Variants in VCL observed in about 807,000 individuals in gnomAD.
VCL encodes the protein epididymis luminal protein 114.
VCL carries 47 observed loss-of-function variants against 125.7 expected under a neutral mutation model. The observed-to-expected ratio is 0.37, with a 90% CI of 0.30 to 0.48. The LOEUF (loss-of-function observed/expected upper bound fraction) is 0.48, where lower values mean the gene tolerates loss of function less well. VCL is among the 20% of genes least tolerant of loss of function. VCL has a pLI of 0.99. For missense variants in VCL, 1,069 were observed against 1,455.5 expected, an observed-to-expected ratio of 0.73 and a Z score of 4.32; for synonymous variants, 458 against 514.6, an observed-to-expected ratio of 0.89 and a Z score of 1.49.
At chr10:74,032,064 CAAAAAAAAAAAAAAA>C (rs35715975) in intron 1 of VCL, among the ~76,000 whole-genome samples, 1 of 21,034 alleles carries the variant, frequency 4.8e-5, no homozygotes, top group Non-Finnish European at 7.5e-5. Context: ...AACTCCATCT[CAAAAAAAAAAAAAAA>C]AAAAAAAAAA....
intron 21 of VCL, among the ~76,000 whole-genome samples, chr10:74,115,387 G>GATAA (rs142695515): frequency 0.05 from 7,535 of 150,356 alleles, 278 homozygotes; most frequent in African/African-American, 0.1. Context: ...AAAATAAATA[G>GATAA]ATAAATAAAT....
chr10:74,068,982 AT>A (rs1180346093), intron 2 of VCL, among the ~76,000 whole-genome samples: 1 of 148,956 alleles, frequency 6.7e-6, no homozygotes, highest in African/African-American at 2.6e-5. Context: ...TTTAAGCCTG[AT>A]CAAAAGCCAC....
intron 9 of VCL, 112 bp downstream of exon 9, chr10:74,089,461 T>C (rs1273075932): frequency 1.3e-6 from 2 of 1,513,466 alleles, no homozygotes; most frequent in East Asian, 4.6e-5. Context: ...TGGATAATGG[T>C]TTCTAAGTGA....
intron 8 of VCL, among the ~76,000 whole-genome samples, chr10:74,083,871 G>T (rs1839721461): frequency 6.8e-6 from 1 of 147,844 alleles, no homozygotes; most frequent in Non-Finnish European, 1.5e-5. Flanking sequence ...TTGTTTGTTT[G>T]TTTGTTTGTT....
At chr10:74,109,441 G>C (rs1840186420) in intron 18 of VCL, among the ~76,000 whole-genome samples, 1 of 152,202 alleles carries the variant, frequency 6.6e-6, no homozygotes, top group Non-Finnish European at 1.5e-5. Context: ...CTTGACCTTA[G>C]CATTTGGGGT....
At chr10:74,090,858 C>T (rs1248101804) in intron 10 of VCL, among the ~76,000 whole-genome samples, 1 of 151,742 alleles carries the variant, frequency 6.6e-6, no homozygotes, top group African/African-American at 2.4e-5. Flanking sequence ...TGGAGTGCAG[C>T]GGCATGACTA....
rs397517246 is a variant in VCL, at chr10:74,082,524, G to T, written c.854G>T (p.Arg285Leu). The T allele has an allele frequency of 4.2e-5, 67 of 1,613,992 alleles. No individual in the cohort carries two copies. In the East Asian group the frequency reaches 1.5e-3, roughly 35 times the overall value. ...SKLNQAKGWLRDPSASPGDAG... is the reference protein window; with the variant it reads ...SKLNQAKGWLLDPSASPGDAG... ...CTGAACCAGGCCAAAGGTTGGCTCC[G>T]TGACCCTAGTGCCTCCCCAGGTAAC... is the stretch of plus-strand genomic sequence containing the variant. Residue 285 changes from arginine to leucine, a missense_variant, in exon 7 of 22, where the codon CGT (arginine) becomes CTT (leucine). This residue lies in a region of VCL where 760 missense variants were observed against 928.9 expected (regional missense o/e 0.82). Coordinates refer to ENST00000211998, the MANE Select transcript of VCL (RefSeq NM_014000.3).
chr10:74,069,721 T>C (rs1367066024), intron 2 of VCL, among the ~76,000 whole-genome samples: 2 of 152,214 alleles, frequency 1.3e-5, no homozygotes. Flanking sequence ...AATATGAGAC[T>C]AGAGGAGATG....
rs1169304447 is a variant in VCL at position 74,118,405 on chromosome 10, C to A, written c.*236C>A. On this transcript the variant is annotated 3_prime_UTR_variant, in exon 22 of 22. Transcript: ENST00000211998. ...TCTCAAACACAGTTACACTTGTGCA[C>A]CCTCTATCCCAATAGGCAGACTGGG... 1.1e-5 allele frequency: 6 copies of A among 556,880 alleles called. No individual in the cohort carries two copies. The highest frequency in any genetic ancestry group is 8.7e-5 in the Admixed American group (3 of 34,328). The allele number at this position is 556,880 out of a possible 1,614,324, so 34.5% of individuals were successfully genotyped here.
intron 1 of VCL, among the ~76,000 whole-genome samples, chr10:74,001,532 T>G (rs1188757632): frequency 6.6e-6 from 1 of 152,162 alleles, no homozygotes; most frequent in Non-Finnish European, 1.5e-5. Flanking sequence ...CAATAAATAT[T>G]GTTGAAGGAA....
Position 74,071,420 on chromosome 10 carries a change from A to G in VCL, c.499+337A>G, listed in dbSNP as rs1364069627. Among the ~76,000 whole-genome samples the G allele has an allele frequency of 6.6e-6, 1 of 152,190 alleles. No homozygotes were observed. Among genetic ancestry groups the G allele is most frequent in the African/African-American group, 2.4e-5 (1 of 41,456 alleles). ...ATTCCACATTACACAGCATTCCTTC[A>G]CTGTCTGCCAGCTGGCCTGTAGTTC... On this transcript the variant is annotated intron_variant, in intron 4 of 21. Coordinates refer to ENST00000211998, the MANE Select transcript of VCL (RefSeq NM_014000.3). This position sits in a 1 kb window ranked among gnomAD's most constrained non-coding sequence, Gnocchi z 4.1.
At chr10:74,004,040 G>C (rs1840275582) in intron 1 of VCL, among the ~76,000 whole-genome samples, 2 of 152,154 alleles carry the variant, frequency 1.3e-5, no homozygotes, top group African/African-American at 4.8e-5. Flanking sequence ...CTTAAAAGGA[G>C]ATCAGCAGTT....
intron 21 of VCL, among the ~76,000 whole-genome samples, chr10:74,116,418 G>A (rs1263263695): frequency 6.6e-6 from 1 of 152,182 alleles, no homozygotes; most frequent in African/African-American, 2.4e-5. Context: ...AAAAAATGGG[G>A]AAGGAAGGGT....
chr10:74,006,641 T>A (rs1840328498), intron 1 of VCL, among the ~76,000 whole-genome samples: 1 of 152,234 alleles, frequency 6.6e-6, no homozygotes, highest in Non-Finnish European at 1.5e-5. Context: ...GTGATGCCAC[T>A]TGTGGAAAAT....
At chr10:74,063,309 A>G (rs1284917153) in intron 2 of VCL, among the ~76,000 whole-genome samples, 1 of 152,192 alleles carries the variant, frequency 6.6e-6, no homozygotes, top group African/African-American at 2.4e-5. Context: ...TATTGCTGTG[A>G]CAAGTCACCA....
intron 12 of VCL, among the ~76,000 whole-genome samples, chr10:74,096,087 G>A (rs1045193068): frequency 6.6e-6 from 1 of 150,480 alleles, no homozygotes; most frequent in Non-Finnish European, 1.5e-5. Flanking sequence ...GCCCTTTCGT[G>A]ATTTTTGCTC....
intron 2 of VCL, among the ~76,000 whole-genome samples, chr10:74,056,173 T>TGTGTGTGTGTGTGCTCATGATGG (rs1841386994): frequency 6.6e-6 from 1 of 150,534 alleles, no homozygotes; most frequent in Non-Finnish European, 1.5e-5. Context: ...CTGTGGGTTT[T>TGTGTGTGTGTGTGCTCATGATGG]GTGTGTGTGT....
At chr10:74,087,614 C>G (rs1042469741) in intron 8 of VCL, among the ~76,000 whole-genome samples, 5 of 148,774 alleles carry the variant, frequency 3.4e-5, no homozygotes, top group African/African-American at 1.2e-4. Context: ...CCCACCTTGG[C>G]CTCCCAAAGT....
At chr10:74,082,969 T>C (rs1471908950) in intron 7 of VCL, among the ~76,000 whole-genome samples, 4 of 152,224 alleles carry the variant, frequency 2.6e-5, no homozygotes, top group African/African-American at 9.6e-5. Context: ...AAGACCCAAA[T>C]AGGTTATTGA....
Sources: gnomAD v4.1 joint callset for allele counts (sites outside exome capture counted in the v4.1 genomes callset) on GRCh38, gnomAD v4.1.1 for gene constraint, gnomAD v4.1.1 regional missense constraint, Gnocchi (gnomAD v3.1) non-coding constraint, MANE v1.5 for transcripts, NCBI Gene and HGNC (gene_info 2026-07-23, HGNC 2026-07-21) for gene names.